The following DLG2 variants were observed in gnomAD, a reference collection of about 807,000 sequenced individuals.
DLG2 encodes discs large MAGUK scaffold protein 2, also known as disks large homolog 2.
Under a neutral mutation model 132.5 loss-of-function variants are expected in DLG2, and 45 were observed. The ratio of observed to expected loss-of-function variants is 0.34; its 90% confidence interval spans 0.27 to 0.44. The LOEUF (loss-of-function observed/expected upper bound fraction) is 0.44. Ranked by LOEUF, DLG2 falls within the 20% of genes least tolerant of loss-of-function variation. The pLI is 1.00. For synonymous variants in DLG2, 424 were observed against 419.6 expected, an observed-to-expected ratio of 1.01 and a Z score of -0.13; for missense variants, 1,045 against 1,196.9, an observed-to-expected ratio of 0.87 and a Z score of 1.87.
intron 11 of DLG2, among the ~76,000 whole-genome samples, chr11:83,999,271 A>T (rs1184338910): frequency 6.6e-6 from 1 of 151,976 alleles, no homozygotes; most frequent in Admixed American, 6.6e-5. Context: ...TAGGTGAAAA[A>T]ATCCTCCCAT....
At chr11:84,653,578 C>T (rs1041667039) in intron 6 of DLG2, among the ~76,000 whole-genome samples, 1 of 152,132 alleles carries the variant, frequency 6.6e-6, no homozygotes, top group Admixed American at 6.5e-5. Flanking sequence ...TCACCTTGAA[C>T]TGCCCTCACA....
At chr11:83,791,148 T>C in intron 17 of DLG2, 5 of 647,616 alleles carry the variant, frequency 7.7e-6, no homozygotes, top group South Asian at 1.9e-5. Flanking sequence ...TCAGAGTTTG[T>C]GGGTCGAAGA....
chr11:85,420,218 G>A (rs572594063), intron 3 of DLG2, among the ~76,000 whole-genome samples: 29 of 152,258 alleles, frequency 1.9e-4, no homozygotes, highest in African/African-American at 5.3e-4. Flanking sequence ...GGAGTTTGCT[G>A]GAGGTCTACT....
chr11:83,900,687 C>T (rs1482458699), intron 15 of DLG2, among the ~76,000 whole-genome samples: 2 of 152,132 alleles, frequency 1.3e-5, no homozygotes, highest in Non-Finnish European at 2.9e-5. Context: ...ACCTGGATGC[C>T]CAGGCAGAAG....
At chr11:83,770,571 A>G (rs1594055346) in intron 18 of DLG2, among the ~76,000 whole-genome samples, 1 of 152,290 alleles carries the variant, frequency 6.6e-6, no homozygotes, top group South Asian at 2.1e-4. Context: ...AAAGTGCCCA[A>G]GAAAACTGCC....
intron 6 of DLG2, among the ~76,000 whole-genome samples, chr11:84,802,479 A>G (rs1192598025): frequency 6.6e-6 from 1 of 152,112 alleles, no homozygotes; most frequent in Non-Finnish European, 1.5e-5. Flanking sequence ...GAGCCTTGGA[A>G]GAAGTGTTGA....
chr11:85,620,640 C>A (rs1023499055), intron 2 of DLG2, among the ~76,000 whole-genome samples: 1 of 152,204 alleles, frequency 6.6e-6, no homozygotes, highest in Non-Finnish European at 1.5e-5. Flanking sequence ...GTGATCTGAA[C>A]AGAAGATCAA....
chr11:85,618,907 A>G (rs1400624870), intron 2 of DLG2, among the ~76,000 whole-genome samples: 1 of 152,200 alleles, frequency 6.6e-6, no homozygotes, highest in African/African-American at 2.4e-5. Context: ...GATTTCCAAA[A>G]ACCCAGAAGT....
intron 18 of DLG2, among the ~76,000 whole-genome samples, chr11:83,785,223 T>G (rs1264087765): frequency 6.6e-6 from 1 of 152,090 alleles, no homozygotes; most frequent in Non-Finnish European, 1.5e-5. Context: ...TCTGGCTATT[T>G]TTTTGTATTT....
chr11:83,723,361 C>T (rs1050091379), intron 18 of DLG2, among the ~76,000 whole-genome samples: 2 of 150,310 alleles, frequency 1.3e-5, no homozygotes, highest in Non-Finnish European at 3.0e-5. Flanking sequence ...GCCTGGGCAA[C>T]AGAGTGAAAC....
At chr11:85,427,809 C>G (rs1318261894) in intron 3 of DLG2, among the ~76,000 whole-genome samples, 1 of 152,118 alleles carries the variant, frequency 6.6e-6, no homozygotes, top group Non-Finnish European at 1.5e-5. Context: ...ACTAAATGCT[C>G]CAATTAAAAG....
chr11:85,335,574 C>T (rs1055878969), intron 3 of DLG2, among the ~76,000 whole-genome samples: 6 of 93,024 alleles, frequency 6.4e-5, no homozygotes, highest in Admixed American at 1.2e-4. Context: ...ATGTTTAGCT[C>T]TCCTTTAAGG....
chr11:84,313,564 G>GA, intron 7 of DLG2, among the ~76,000 whole-genome samples: 1 of 116,024 alleles, frequency 8.6e-6, no homozygotes, highest in Admixed American at 8.8e-5. Context: ...GAGGGAGGGA[G>GA]GAGAGAGAGA....
intron 18 of DLG2, among the ~76,000 whole-genome samples, chr11:83,665,118 G>T (rs1307780777): frequency 6.6e-6 from 1 of 152,226 alleles, no homozygotes; most frequent in African/African-American, 2.4e-5. Flanking sequence ...GTGGAAAAAT[G>T]AAGTGTGTGC....
intron 6 of DLG2, among the ~76,000 whole-genome samples, chr11:84,587,195 G>A (rs1159683517): frequency 6.6e-6 from 1 of 152,186 alleles, no homozygotes; most frequent in East Asian, 1.9e-4. Context: ...GAAGGAACTT[G>A]AGTTACAGAG....
intron 3 of DLG2, among the ~76,000 whole-genome samples, chr11:85,367,419 G>C (rs540463509): frequency 1.6e-4 from 24 of 152,108 alleles, no homozygotes; most frequent in African/African-American, 5.6e-4. Flanking sequence ...GTTTTAGTGA[G>C]GATGAGTTAA....
chr11:84,092,854 G>T lies in DLG2; in HGVS notation c.749+6069C>A, dbSNP rs1022929141. Reference sequence around the variant, plus strand: ...AGTTCGAGACAAGCCTGGCCAACATGGTGAAACCCTGATTCTACTAAAAAT... The same window carrying T: ...AGTTCGAGACAAGCCTGGCCAACATTGTGAAACCCTGATTCTACTAAAAAT... On this transcript the variant is annotated intron_variant, in intron 10 of 27. Coordinates refer to ENST00000376104, the MANE Select transcript of DLG2 (RefSeq NM_001142699.3). Among the ~76,000 whole-genome samples the T allele has an allele frequency of 3.3e-5, 5 of 151,860 alleles. No homozygotes were observed. In the East Asian group the frequency reaches 5.8e-4, roughly 18 times the overall value.
chr11:85,436,647 G>T (rs1202898167), intron 3 of DLG2, among the ~76,000 whole-genome samples: 1 of 151,904 alleles, frequency 6.6e-6, no homozygotes, highest in Non-Finnish European at 1.5e-5. Flanking sequence ...TATTTAAAAG[G>T]AAACAACGGA....
At chr11:85,236,672 T>C (rs1297739123) in intron 4 of DLG2, among the ~76,000 whole-genome samples, 2 of 152,074 alleles carry the variant, frequency 1.3e-5, no homozygotes, top group African/African-American at 4.8e-5. Context: ...GTTTTATGCA[T>C]GTTCTTAATT....
Sources: gnomAD v4.1 joint callset for allele counts (sites outside exome capture counted in the v4.1 genomes callset) on GRCh38, gnomAD v4.1.1 for gene constraint, MANE v1.5 for transcripts, NCBI Gene and HGNC (gene_info 2026-07-23, HGNC 2026-07-21) for gene names.